The following CSMD1 variants were observed in gnomAD, a reference collection of about 807,000 sequenced individuals.
CSMD1 encodes CUB and Sushi multiple domains 1.
Under a neutral mutation model 417.5 loss-of-function variants are expected in CSMD1, and 213 were observed. That is an observed-to-expected ratio of 0.51 (90% confidence interval 0.46 to 0.57). CSMD1 has a LOEUF of 0.57. Ranked by LOEUF, CSMD1 falls within the 20% of genes least tolerant of loss-of-function variation. The probability of loss-of-function intolerance (pLI) is 0.00; values close to 1 mark genes in which losing one functional copy is unlikely to be tolerated. For missense variants in CSMD1, 6,923 were observed against 4,529.7 expected (o/e 1.53, Z -15.17); for synonymous variants, 2,862 against 1,736.8 (o/e 1.65, Z -16.11).
At chr8:3,892,413 C>A (rs192612902) in intron 5 of CSMD1, among the ~76,000 whole-genome samples, 11 of 152,262 alleles carry the variant, frequency 7.2e-5, no homozygotes, top group Admixed American at 6.5e-4. Flanking sequence ...TCAAGGAGAA[C>A]TTCCCCAAAG....
chr8:3,295,318 G>C (rs1015840276), intron 25 of CSMD1, among the ~76,000 whole-genome samples: 2 of 151,818 alleles, frequency 1.3e-5, no homozygotes, highest in African/African-American at 2.4e-5. Flanking sequence ...AGTAGACACG[G>C]GGTTTCACTG....
intron 46 of CSMD1, among the ~76,000 whole-genome samples, chr8:3,101,222 A>G (rs1329807229): frequency 6.6e-6 from 1 of 152,156 alleles, no homozygotes; most frequent in Non-Finnish European, 1.5e-5. Flanking sequence ...ACACCCTGAG[A>G]GCAAGCAGTA....
intron 21 of CSMD1, among the ~76,000 whole-genome samples, chr8:3,353,405 A>C (rs559863398): frequency 6.6e-6 from 1 of 152,286 alleles, no homozygotes; most frequent in Non-Finnish European, 1.5e-5. Context: ...GATACCACCA[A>C]ATAGCTCGCA....
chr8:4,576,485 A>G (rs1799141917), intron 2 of CSMD1, among the ~76,000 whole-genome samples: 1 of 152,120 alleles, frequency 6.6e-6, no homozygotes, highest in Non-Finnish European at 1.5e-5. Context: ...ATATTTTTTC[A>G]CATACAGTTT....
intron 5 of CSMD1, among the ~76,000 whole-genome samples, chr8:3,853,346 C>A (rs1404242951): frequency 6.6e-6 from 1 of 152,166 alleles, no homozygotes; most frequent in Admixed American, 6.5e-5. Context: ...ACATGCTCCA[C>A]AATTTACTTT....
At chr8:4,444,247 C>T (rs549163932) in intron 2 of CSMD1, among the ~76,000 whole-genome samples, 54 of 145,430 alleles carry the variant, frequency 3.7e-4, no homozygotes, top group African/African-American at 1.2e-3. Context: ...GAGGCTGAGG[C>T]AGGAGAATTG....
intron 1 of CSMD1, among the ~76,000 whole-genome samples, chr8:4,666,331 C>T (rs1385443393): frequency 6.6e-6 from 1 of 152,110 alleles, no homozygotes; most frequent in East Asian, 1.9e-4. Flanking sequence ...CCAATATAAT[C>T]AGAGAGGGCT....
chr8:4,012,616 T>A lies in CSMD1; in HGVS notation c.611-14506A>T, dbSNP rs147957420. ...TAGGCCTCAGTGACTATGTCATCTGTATGTCTACAGTTTTCAGAGTGTCCA... is the reference window on the plus strand; with the variant it reads ...TAGGCCTCAGTGACTATGTCATCTGAATGTCTACAGTTTTCAGAGTGTCCA... On this transcript the variant is annotated intron_variant, in intron 4 of 69. Transcript: ENST00000635120. Among the ~76,000 whole-genome samples the A allele has an allele frequency of 3.2e-3, 489 of 152,202 alleles. 2 individuals carry two copies. Among genetic ancestry groups the A allele is most frequent in the African/African-American group, 0.011 (445 of 41,504 alleles).
chr8:4,036,820 T>G (rs1320010973), intron 3 of CSMD1, among the ~76,000 whole-genome samples: 2 of 152,366 alleles, frequency 1.3e-5, no homozygotes, highest in East Asian at 3.9e-4. Flanking sequence ...ATAAATAGAT[T>G]CCTGACCAGG....
At chr8:3,269,098 T>A (rs1442398863) in intron 26 of CSMD1, among the ~76,000 whole-genome samples, 5 of 152,236 alleles carry the variant, frequency 3.3e-5, no homozygotes, top group African/African-American at 1.2e-4. Flanking sequence ...TCCCCCAGTA[T>A]ACAAGACTTA....
At chr8:4,894,110 C>T (rs577307106) in intron 1 of CSMD1, among the ~76,000 whole-genome samples, 58 of 152,076 alleles carry the variant, frequency 3.8e-4, no homozygotes, top group African/African-American at 1.1e-3. Flanking sequence ...TATAGGCCTG[C>T]GCACTGTATC....
intron 12 of CSMD1, among the ~76,000 whole-genome samples, chr8:3,430,830 A>C (rs1397049696): frequency 6.6e-6 from 1 of 152,126 alleles, no homozygotes; most frequent in Non-Finnish European, 1.5e-5. Flanking sequence ...AAAAAATTCA[A>C]AGAAGCTCTT....
intron 1 of CSMD1, among the ~76,000 whole-genome samples, chr8:4,850,829 T>C (rs1416555348): frequency 6.6e-6 from 1 of 152,136 alleles, no homozygotes; most frequent in Non-Finnish European, 1.5e-5. Flanking sequence ...ACCAGTGGCA[T>C]CCTTTTGCTG....
intron 3 of CSMD1, among the ~76,000 whole-genome samples, chr8:4,238,082 CG>C (rs927508110): frequency 3.5e-4 from 53 of 152,222 alleles, no homozygotes; most frequent in African/African-American, 1.2e-3. Flanking sequence ...AGATTGTAAA[CG>C]TTTTAAGATT....
In CSMD1 at chr8:4,761,144, G is replaced by C. The variant is rs187463605; in HGVS notation, c.86-123586C>G. 3.0e-3 allele frequency among the ~76,000 whole-genome samples: 455 copies of C among 152,042 alleles called. 4 individuals are homozygous for C. Among genetic ancestry groups the C allele is most frequent in the African/African-American group, 0.01 (416 of 41,500 alleles). ...TGCAAAAGAGTCTTCTACACGTAAA[G>C]GAAATGAAAAAAGTCACTATGAAAG... On this transcript the variant is annotated intron_variant, in intron 1 of 69. Transcript: ENST00000635120.
At chr8:4,252,522 C>T (rs1361871182) in intron 3 of CSMD1, among the ~76,000 whole-genome samples, 1 of 152,198 alleles carries the variant, frequency 6.6e-6, no homozygotes, top group African/African-American at 2.4e-5. Flanking sequence ...TTTCCTCAAA[C>T]ACCATAAAAT....
intron 3 of CSMD1, among the ~76,000 whole-genome samples, chr8:4,046,126 CTGATATA>C (rs1327559749): frequency 3.3e-5 from 5 of 151,888 alleles, no homozygotes; most frequent in Non-Finnish European, 7.4e-5. Flanking sequence ...TCATATATAT[CTGATATA>C]TATGTATTAT....
At chr8:3,576,402 G>A (rs1011983468) in intron 9 of CSMD1, among the ~76,000 whole-genome samples, 3 of 151,956 alleles carry the variant, frequency 2.0e-5, no homozygotes, top group East Asian at 1.9e-4. Context: ...CCTGACCTTA[G>A]GAACTGTCCT....
chr8:4,442,293 A>G (rs1269233618), intron 2 of CSMD1, among the ~76,000 whole-genome samples: 1 of 152,182 alleles, frequency 6.6e-6, no homozygotes, highest in Non-Finnish European at 1.5e-5. Context: ...AATTATTAAA[A>G]GTTAGAAAAG....
Sources: gnomAD v4.1 joint callset for allele counts (sites outside exome capture counted in the v4.1 genomes callset) on GRCh38, gnomAD v4.1.1 for gene constraint, MANE v1.5 for transcripts, NCBI Gene and HGNC (gene_info 2026-07-23, HGNC 2026-07-21) for gene names.